The following CACNA1D variants were observed in gnomAD, a reference collection of about 807,000 sequenced individuals.
CACNA1D encodes voltage-dependent L-type calcium channel subunit alpha-1D.
A neutral mutation model predicts 257.1 loss-of-function variants in CACNA1D; 55 were observed. That is an observed-to-expected ratio of 0.21 (90% CI 0.17 to 0.27). The LOEUF (loss-of-function observed/expected upper bound fraction) is 0.27. CACNA1D is among the 10% of genes least tolerant of loss of function. The probability of loss-of-function intolerance (pLI) is 1.00; values close to 1 mark genes in which losing one functional copy is unlikely to be tolerated. For synonymous variants in CACNA1D, 980 were observed against 1,014.9 expected (o/e 0.97, Z 0.65); for missense variants, 1,876 against 2,784.0 (o/e 0.67, Z 7.34).
At chr3:53,683,103 G>A (rs573805008) in intron 8 of CACNA1D, among the ~76,000 whole-genome samples, 2 of 152,298 alleles carry the variant, frequency 1.3e-5, no homozygotes, top group African/African-American at 2.4e-5. Flanking sequence ...CAGAGTATGG[G>A]TGAGAAGTAT....
chr3:53,732,175 C>A, intron 18 of CACNA1D, 93 bp downstream of exon 18: 3 of 983,762 alleles, frequency 3.0e-6, no homozygotes, highest in Non-Finnish European at 4.9e-6. Flanking sequence ...GCCAGCCCAG[C>A]AGCGTGCACA....
At chr3:53,677,763 G>A (rs377527459) in intron 8 of CACNA1D, among the ~76,000 whole-genome samples, 34 of 152,284 alleles carry the variant, frequency 2.2e-4, no homozygotes, top group African/African-American at 7.5e-4. Flanking sequence ...TGAGGGGAAC[G>A]GCATTTCTAT....
rs1446577623 is a variant in CACNA1D, at chr3:53,774,133, C to T, written c.4111-454C>T. ...TATGCTGTCACCCTGCTCCTATGCA[C>T]ATGGTGCTCCCTCCACCCGAAACAC... On this transcript the variant is annotated intron_variant, in intron 33 of 47. Coordinates refer to ENST00000350061, the MANE Select transcript of CACNA1D (RefSeq NM_001128840.3). The surrounding 1 kb of genome is among the most constrained non-coding windows in gnomAD (Gnocchi z 4.3). The T allele has an allele frequency of 4.8e-6, 1 of 209,128 alleles. No homozygotes were observed. Among genetic ancestry groups the T allele is most frequent in the Non-Finnish European group, 9.8e-6 (1 of 102,560 alleles). 13.0% of individuals were successfully genotyped at this position (209,128 alleles called of 1,614,324 possible). A position where few individuals can be genotyped will look rare whatever the true frequency, so the allele number is the denominator to read the frequency against.
chr3:53,527,536 A>C (rs979921185), intron 3 of CACNA1D, among the ~76,000 whole-genome samples: 1 of 152,234 alleles, frequency 6.6e-6, no homozygotes, highest in Non-Finnish European at 1.5e-5. Flanking sequence ...GTAGCATTCC[A>C]ATTAGAACCT....
chr3:53,758,390 A>G (rs929815062), intron 29 of CACNA1D, among the ~76,000 whole-genome samples: 1 of 152,212 alleles, frequency 6.6e-6, no homozygotes, highest in Non-Finnish European at 1.5e-5. Context: ...GAATCCAGGC[A>G]GCAAAAGGAA....
intron 3 of CACNA1D, among the ~76,000 whole-genome samples, chr3:53,648,112 G>GTT (rs917213181): frequency 8.5e-5 from 13 of 152,126 alleles, no homozygotes; most frequent in African/African-American, 3.1e-4. Context: ...TCTCTGCCTT[G>GTT]TTTTTCTGCT....
intron 9 of CACNA1D, among the ~76,000 whole-genome samples, chr3:53,716,805 G>A (rs561917981): frequency 3.3e-5 from 5 of 152,156 alleles, no homozygotes; most frequent in South Asian, 4.1e-4. Context: ...TCAGTTTCTC[G>A]GGCACTCACA....
At chr3:53,508,119 T>C (rs1321022268) in intron 3 of CACNA1D, among the ~76,000 whole-genome samples, 2 of 152,174 alleles carry the variant, frequency 1.3e-5, no homozygotes, top group African/African-American at 4.8e-5. Context: ...GAGGAGGGCA[T>C]GTGGGGACGT....
chr3:53,559,567 G>A (rs1318444945), intron 3 of CACNA1D, among the ~76,000 whole-genome samples: 1 of 152,120 alleles, frequency 6.6e-6, no homozygotes, highest in South Asian at 2.1e-4. Flanking sequence ...TGTCATTTTA[G>A]TCTGTTTCTT....
intron 37 of CACNA1D, among the ~76,000 whole-genome samples, chr3:53,778,623 T>C (rs1047237936): frequency 3.3e-5 from 5 of 152,222 alleles, no homozygotes; most frequent in Non-Finnish European, 5.9e-5. Context: ...CAAAACTCTT[T>C]GTGTCCGTGA....
Position 53,800,338 on chromosome 3 carries a change from A to G in CACNA1D, c.5013A>G (p.Lys1671=). The change falls in exon 41 of 48, where the codon AAA becomes AAG. Residue 1671 remains lysine, a synonymous_variant. Coordinates refer to ENST00000350061, the MANE Select transcript of CACNA1D (RefSeq NM_001128840.3). The surrounding 1 kb of genome is among the most constrained non-coding windows in gnomAD (Gnocchi z 4.3). ...DLQDDEPEET[K]REEEDDVFKR... Reference sequence around the variant, plus strand: ...AAGATGACGAGCCTGAGGAAACAAAACGAGAAGAAGAAGATGATGTGTTCA... The same window carrying G: ...AAGATGACGAGCCTGAGGAAACAAAGCGAGAAGAAGAAGATGATGTGTTCA... 1 of 1,612,684 alleles carries G rather than the reference A, an allele frequency of 6.2e-7. No homozygotes were observed. The highest frequency in any genetic ancestry group is 8.5e-7 in the Non-Finnish European group (1 of 1,178,622).
At chr3:53,549,829 T>C (rs1157259487) in intron 3 of CACNA1D, among the ~76,000 whole-genome samples, 2 of 152,176 alleles carry the variant, frequency 1.3e-5, no homozygotes, top group East Asian at 3.8e-4. Flanking sequence ...TCTAAGTTGA[T>C]AGGTGTTCTC....
intron 21 of CACNA1D, among the ~76,000 whole-genome samples, chr3:53,741,699 G>T (rs1177022341): frequency 6.6e-6 from 1 of 152,152 alleles, no homozygotes; most frequent in African/African-American, 2.4e-5. Context: ...AGTGGTGGGG[G>T]TCGGAGGGAT....
At chr3:53,771,856 G>A (rs1427509174) in intron 32 of CACNA1D, among the ~76,000 whole-genome samples, 5 of 152,232 alleles carry the variant, frequency 3.3e-5, no homozygotes, top group African/African-American at 1.2e-4. Flanking sequence ...AGGAAAGCCT[G>A]AAACGAACTC....
chr3:53,566,478 C>G (rs527619799), intron 3 of CACNA1D, among the ~76,000 whole-genome samples: 6 of 152,304 alleles, frequency 3.9e-5, no homozygotes, highest in African/African-American at 9.6e-5. Flanking sequence ...CACCCACATT[C>G]ATCTCTGCCA....
In CACNA1D at chr3:53,755,742, C is replaced by T. The variant is rs947205857; in HGVS notation, c.3786+2060C>T. Reference sequence around the variant, plus strand: ...GGGAGGTTGAGTTTATATCGTGTGCCGGGATGAGTGGGAGAGTATCGGTTC... The same window carrying T: ...GGGAGGTTGAGTTTATATCGTGTGCTGGGATGAGTGGGAGAGTATCGGTTC... On this transcript the variant is annotated intron_variant, in intron 29 of 47. Transcript: ENST00000350061. Among the ~76,000 whole-genome samples, 4 of 152,126 alleles carry T rather than the reference C, an allele frequency of 2.6e-5. No individual in the cohort carries two copies. The South Asian group carries it at 6.2e-4, about 24-fold the overall frequency.
chr3:53,612,250 C>A (rs1387073023), intron 3 of CACNA1D, among the ~76,000 whole-genome samples: 2 of 152,036 alleles, frequency 1.3e-5, no homozygotes, highest in Admixed American at 1.3e-4. Context: ...CATGACAATT[C>A]TAGTAATTTT....
At chr3:53,638,571 T>C (rs1309526148) in intron 3 of CACNA1D, among the ~76,000 whole-genome samples, 2 of 152,194 alleles carry the variant, frequency 1.3e-5, no homozygotes, top group Non-Finnish European at 2.9e-5. Flanking sequence ...CTGGCTCTTG[T>C]TTACATAGGC....
At chr3:53,547,082 G>C (rs1422911437) in intron 3 of CACNA1D, among the ~76,000 whole-genome samples, 2 of 152,186 alleles carry the variant, frequency 1.3e-5, no homozygotes, top group Non-Finnish European at 2.9e-5. Context: ...GGAAATGGAG[G>C]CTCATGTATG....
Sources: allele counts gnomAD v4.1 joint callset (sites outside exome capture counted in the v4.1 genomes callset), GRCh38; gene constraint gnomAD v4.1.1; non-coding constraint Gnocchi (gnomAD v3.1); transcripts MANE v1.5; gene names NCBI Gene and HGNC (gene_info 2026-07-23, HGNC 2026-07-21).